The following SLC17A4 variants were observed in gnomAD, a reference collection of about 807,000 sequenced individuals.
SLC17A4 encodes probable small intestine urate exporter.
In SLC17A4, 33 loss-of-function variants were observed where a neutral mutation model predicts 52.5. The observed-to-expected ratio is 0.63, with a 90% CI of 0.48 to 0.84. The LOEUF is 0.84. SLC17A4 is among the 40% of genes least tolerant of loss of function. SLC17A4 has a pLI of 0.00. For synonymous variants in SLC17A4, 225 were observed against 216.2 expected (o/e 1.04, Z -0.36); for missense variants, 585 against 597.1 (o/e 0.98, Z 0.21).
Position 25,779,103 on chromosome 6 carries a change from A to T in SLC17A4, c.1409A>T (p.Asn470Ile). The change falls in exon 12 of 12, where the codon AAC (asparagine) becomes ATC (isoleucine). Residue 470 changes from asparagine (N) to isoleucine (I), a missense_variant. Physicochemically the swap from Asn to Ile is moderately radical, Grantham distance 149 (BLOSUM62 -3). Transcript: ENST00000377905. ...RNVFLLSAAV[N>I]ISGLVFYLIF... ...GTCTTCTTGCTTTCAGCTGCTGTTA[A>T]CATATCGGGCCTGGTTTTCTACCTC... 4 of 1,613,908 alleles carry T rather than the reference A, an allele frequency of 2.5e-6. No homozygotes were observed. The highest frequency in any genetic ancestry group is 3.4e-6 in the Non-Finnish European group (4 of 1,179,822).
Position 25,770,240 on chromosome 6 carries a change from G to A in SLC17A4, c.471G>A (p.Leu157=). 1.2e-6 allele frequency: 2 copies of A among 1,614,044 alleles called. No individual in the cohort carries two copies. Among genetic ancestry groups the A allele is most frequent in the Non-Finnish European group, 1.7e-6 (2 of 1,179,982 alleles). Residue 157 remains leucine (L), a synonymous_variant, in exon 4 of 12, where the codon CTG becomes CTA. Transcript: ENST00000377905. ...CATTCCTGACCCTCTTCATTCCACT[G>A]GCAGCTAATGCGGGAGTGGCCTTGC... is the stretch of plus-strand genomic sequence containing the variant. ...ISSFLTLFIP[L]AANAGVALLI... is the part of the protein sequence containing the mutation.
intron 3 of SLC17A4, among the ~76,000 whole-genome samples, chr6:25,769,663 C>A (rs1386924201): frequency 6.6e-6 from 1 of 152,052 alleles, no homozygotes; most frequent in African/African-American, 2.4e-5. Flanking sequence ...TAACCAGGGA[C>A]TAAGTTAGAA....
chr6:25,770,786 A>G, intron 5 of SLC17A4, 140 bp from the exon 6 acceptor site: 1 of 707,570 alleles, frequency 1.4e-6, no homozygotes, highest in Non-Finnish European at 2.5e-6. Flanking sequence ...CCAAGATCAC[A>G]TAGTTACCAA....
chr6:25,777,117 A>G, intron 10 of SLC17A4, 158 bp downstream of exon 10: 1 of 825,686 alleles, frequency 1.2e-6, no homozygotes, highest in Non-Finnish European at 1.8e-6. Flanking sequence ...CCTGGAAGAG[A>G]CTCAAAGCTG....
intron 2 of SLC17A4, 148 bp downstream of exon 2, chr6:25,762,201 C>T (rs561604272): frequency 5.8e-5 from 37 of 640,590 alleles, no homozygotes; most frequent in Middle Eastern, 2.5e-4. Flanking sequence ...TAATTCTATA[C>T]GGTTATACAT....
Position 25,780,728 on chromosome 6 carries a change from G to A in SLC17A4, c.*1540G>A, listed in dbSNP as rs1763248626. Reference sequence around the variant, plus strand: ...TTAGGTTGGAGTAGGAGCTTACAGTGTAGTCCAGGAGAGAACAATGGCCCC... The same window carrying A: ...TTAGGTTGGAGTAGGAGCTTACAGTATAGTCCAGGAGAGAACAATGGCCCC... On this transcript the variant is annotated 3_prime_UTR_variant, in exon 12 of 12. Coordinates refer to ENST00000377905, the MANE Select transcript of SLC17A4 (RefSeq NM_005495.3). 6.6e-6 allele frequency: 1 copy of A among 152,168 alleles called. No individual in the cohort carries two copies. Among genetic ancestry groups the A allele is most frequent in the South Asian group, 2.1e-4 (1 of 4,826 alleles). 9.4% of individuals were successfully genotyped at this position (152,168 alleles called of 1,614,324 possible).
At chr6:25,777,133 C>T (rs1256520591) in intron 10 of SLC17A4, 174 bp downstream of exon 10, 4 of 710,464 alleles carry the variant, frequency 5.6e-6, no homozygotes, top group Admixed American at 6.4e-5. Flanking sequence ...AGCTGGTGGA[C>T]CATTGTGAAC....
At position 25,778,020 on chromosome 6, in the gene SLC17A4, A is replaced by C; in HGVS notation, c.1359+4A>C. 1 of 1,553,708 alleles carries C rather than the reference A, an allele frequency of 6.4e-7. No homozygotes were observed. The highest frequency in any genetic ancestry group is 1.3e-5 in the African/African-American group (1 of 74,162). The stretch of plus-strand genomic sequence containing the variant: ...TGCTGGATTTTTCATCAGTCAGGTG[A>C]GGTCAAATGTTCTGATGAATATTCA... On this transcript the variant is annotated splice_donor_region_variant and intron_variant, in intron 11 of 11. Coordinates refer to ENST00000377905, the MANE Select transcript of SLC17A4 (RefSeq NM_005495.3).
intron 6 of SLC17A4, 145 bp from the exon 7 acceptor site, chr6:25,773,126 TCCCC>T (rs1212374117): frequency 4.2e-5 from 29 of 691,788 alleles, no homozygotes; most frequent in African/African-American, 7.1e-5. Flanking sequence ...GGAAGTACCC[TCCCC>T]CATGATAGGG....
At chr6:25,756,775 T>C (rs775511506) in intron 1 of SLC17A4, among the ~76,000 whole-genome samples, 2 of 152,234 alleles carry the variant, frequency 1.3e-5, no homozygotes, top group Non-Finnish European at 2.9e-5. Context: ...ATTGCATTCA[T>C]TGATTCAATA....
intron 7 of SLC17A4, 46 bp from the exon 8 acceptor site, chr6:25,773,467 G>T: frequency 6.2e-7 from 1 of 1,612,976 alleles, no homozygotes; most frequent in South Asian, 1.1e-5. Flanking sequence ...GTGATAGAGA[G>T]AGCTGCCTTC....
rs1408031704 is a variant in SLC17A4 at position 25,780,515 on chromosome 6, C to G, written c.*1327C>G. 1 of 152,126 alleles carries G rather than the reference C, an allele frequency of 6.6e-6. No individual in the cohort carries two copies. Among genetic ancestry groups the G allele is most frequent in the Non-Finnish European group, 1.5e-5 (1 of 68,048 alleles). 9.4% of individuals were successfully genotyped at this position (152,126 alleles called of 1,614,324 possible). A position where few individuals can be genotyped will look rare whatever the true frequency, so the allele number is the denominator to read the frequency against. On this transcript the variant is annotated 3_prime_UTR_variant, in exon 12 of 12. Coordinates refer to ENST00000377905, the MANE Select transcript of SLC17A4 (RefSeq NM_005495.3). Reference sequence around the variant, plus strand: ...GAAAGAACAGCATAAGCAAAAGTTTCATGGCAGGAGGGAGAAATTAGCTAT... The same window carrying G: ...GAAAGAACAGCATAAGCAAAAGTTTGATGGCAGGAGGGAGAAATTAGCTAT...
At chr6:25,773,929 C>T (rs902397001) in intron 8 of SLC17A4, among the ~76,000 whole-genome samples, 1 of 152,072 alleles carries the variant, frequency 6.6e-6, no homozygotes, top group African/African-American at 2.4e-5. Flanking sequence ...ATACTATTTT[C>T]ATATATACTA....
chr6:25,769,342 A>G (rs1762281176), intron 3 of SLC17A4, 152 bp downstream of exon 3: 2 of 753,140 alleles, frequency 2.7e-6, no homozygotes, highest in Non-Finnish European at 4.2e-6. Flanking sequence ...CAGGCCGAGC[A>G]TGGTGGCTCA....
At chr6:25,763,981 G>A (rs529533844) in intron 2 of SLC17A4, among the ~76,000 whole-genome samples, 1 of 152,290 alleles carries the variant, frequency 6.6e-6, no homozygotes, top group East Asian at 1.9e-4. Flanking sequence ...GAAGGCTAGG[G>A]AAGCAAAAGT....
chr6:25,761,376 C>G (rs532302002), intron 1 of SLC17A4, among the ~76,000 whole-genome samples: 50 of 152,296 alleles, frequency 3.3e-4, no homozygotes, highest in African/African-American at 1.1e-3. Context: ...CCCACAGGCA[C>G]TTAGATCTCA....
intron 2 of SLC17A4, among the ~76,000 whole-genome samples, chr6:25,764,265 T>TGTTACTGTGGAGACCAGAGAAGGGTGGGA (rs1761812406): frequency 6.6e-6 from 1 of 152,204 alleles, no homozygotes; most frequent in African/African-American, 2.4e-5. Context: ...TTTGTCCCTC[T>TGTTACTGTGGAGACCAGAGAAGGGTGGGA]GTTACTGTGG....
intron 8 of SLC17A4, among the ~76,000 whole-genome samples, chr6:25,775,297 A>G (rs921791166): frequency 1.3e-5 from 2 of 149,306 alleles, no homozygotes; most frequent in Non-Finnish European, 1.5e-5. Context: ...ATGACATTGC[A>G]CTCCAGCCTG....
rs192685660 is a variant in SLC17A4, at chr6:25,756,686, T to C, written c.-37+1905T>C. On this transcript the variant is annotated intron_variant, in intron 1 of 11. Transcript: ENST00000377905. ...AAAACTGGCAATTGATTTCTGGTTA[T>C]AATAAGTAAAAGGAGAGGGCAATTT... Among the ~76,000 whole-genome samples the C allele has an allele frequency of 3.3e-4, 50 of 152,316 alleles. No homozygotes were observed. The East Asian group carries it at 8.3e-3, about 25-fold the overall frequency.
Sources: gnomAD v4.1 joint callset for allele counts (sites outside exome capture counted in the v4.1 genomes callset) on GRCh38, gnomAD v4.1.1 for gene constraint, MANE v1.5 for transcripts, NCBI Gene and HGNC (gene_info 2026-07-23, HGNC 2026-07-21) for gene names.